Variants in TTC7A observed in about 807,000 individuals in gnomAD.
TTC7A encodes the protein tetratricopeptide repeat protein 7A.
TTC7A carries 110 observed loss-of-function variants against 103.7 expected under a neutral mutation model. That is an observed-to-expected ratio of 1.06 (90% CI 0.91 to 1.24). TTC7A has a LOEUF of 1.24. TTC7A is among the 50% of genes most tolerant of loss of function. TTC7A has a pLI of 0.00. For missense variants in TTC7A, 1,340 were observed against 1,116.3 expected (o/e 1.20, Z -2.86); for synonymous variants, 521 against 467.9 (o/e 1.11, Z -1.47).
At chr2:46,974,815 C>G in intron 3 of TTC7A, 158 bp from the exon 4 acceptor site, 1 of 975,258 alleles carries the variant, frequency 1.0e-6, no homozygotes, top group Non-Finnish European at 1.5e-6. Context: ...ACACCACCGT[C>G]GCTTCAGCTT....
chr2:46,980,492 G>A (rs763444298), intron 5 of TTC7A, among the ~76,000 whole-genome samples: 10 of 152,108 alleles, frequency 6.6e-5, no homozygotes, highest in Non-Finnish European at 1.5e-4. Flanking sequence ...GATTACAGGC[G>A]TGAGCCACTG....
chr2:47,065,060 G>C (rs1332403988), intron 19 of TTC7A, among the ~76,000 whole-genome samples: 2 of 152,186 alleles, frequency 1.3e-5, no homozygotes, highest in African/African-American at 4.8e-5. Flanking sequence ...GGCCGAGGCG[G>C]GCGGATCACG....
At chr2:46,917,134 A>T in intron 1 of TTC7A, 1 of 699,048 alleles carries the variant, frequency 1.4e-6, no homozygotes, top group Middle Eastern at 3.6e-4. Context: ...CTGCCACCCC[A>T]TCCCAGAGAA....
In TTC7A at chr2:47,073,738, G is replaced by T; in HGVS notation, c.2392G>T (p.Ala798Ser). 1 of 1,613,826 alleles carries T rather than the reference G, an allele frequency of 6.2e-7. No individual in the cohort carries two copies. The highest frequency in any genetic ancestry group is 8.5e-7 in the Non-Finnish European group (1 of 1,180,026). ...GAGTCGGCTGGGCCACAAGAGCTTG[G>T]CCCAGAAGGTGCTTCGTGATGCCGT... Reference protein sequence around the residue: ...MLSRLGHKSLAQKVLRDAVER... With the variant: ...MLSRLGHKSLSQKVLRDAVER... Residue 798 changes from alanine to serine, a missense_variant, in exon 20 of 20, where the codon GCC becomes TCC. Ala to Ser is a moderately conservative substitution (Grantham distance 99, BLOSUM62 1). Transcript: ENST00000319190.
At chr2:46,957,046 T>C (rs773065421) in intron 3 of TTC7A, 39 bp downstream of exon 3, 6 of 1,612,474 alleles carry the variant, frequency 3.7e-6, no homozygotes, top group Non-Finnish European at 5.1e-6. Context: ...CTCCACTGTG[T>C]GCAGCTCGTT....
At chr2:47,011,180 T>C in intron 10 of TTC7A, 151 bp from the exon 11 acceptor site, 1 of 598,402 alleles carries the variant, frequency 1.7e-6, no homozygotes, top group Non-Finnish European at 2.8e-6. Context: ...CTGCCGACAC[T>C]GCCTAGGCTT....
chr2:46,995,850 TA>T (rs1401161977), intron 8 of TTC7A, among the ~76,000 whole-genome samples: 1 of 152,204 alleles, frequency 6.6e-6, no homozygotes, highest in African/African-American at 2.4e-5. Flanking sequence ...TACATTCTAG[TA>T]AAGGGAAGCA....
chr2:47,052,361 G>A (rs1352588314), intron 18 of TTC7A, among the ~76,000 whole-genome samples: 1 of 152,234 alleles, frequency 6.6e-6, no homozygotes, highest in Non-Finnish European at 1.5e-5. Flanking sequence ...GAGGCAGGCT[G>A]TAGGAAGCCT....
chr2:47,028,320 C>G (rs1216029814), intron 14 of TTC7A, among the ~76,000 whole-genome samples: 1 of 152,228 alleles, frequency 6.6e-6, no homozygotes, highest in East Asian at 1.9e-4. Context: ...TTACCACTTG[C>G]AGGTGGGGCC....
intron 15 of TTC7A, among the ~76,000 whole-genome samples, chr2:47,039,160 A>G (rs540273859): frequency 6.6e-6 from 1 of 152,344 alleles, no homozygotes; most frequent in South Asian, 2.1e-4. Flanking sequence ...AGGAAGCAGC[A>G]GAGCCTGGAA....
chr2:47,063,202 A>G (rs1573075198), intron 19 of TTC7A, among the ~76,000 whole-genome samples: 1 of 152,334 alleles, frequency 6.6e-6, no homozygotes, highest in East Asian at 1.9e-4. Flanking sequence ...GAAAAGACAC[A>G]TTTAACTTGC....
intron 3 of TTC7A, among the ~76,000 whole-genome samples, chr2:46,960,496 G>C (rs1406303500): frequency 6.6e-6 from 1 of 152,176 alleles, no homozygotes; most frequent in Non-Finnish European, 1.5e-5. Context: ...TAGGGGGATG[G>C]GGGGAAGCAG....
intron 4 of TTC7A, among the ~76,000 whole-genome samples, chr2:46,976,477 G>GA (rs1673889291): frequency 1.3e-5 from 2 of 152,218 alleles, no homozygotes. Flanking sequence ...GTGGTCATGG[G>GA]CCGAGAGACT....
chr2:46,996,076 TATG>T (rs1676150154), intron 8 of TTC7A, among the ~76,000 whole-genome samples: 1 of 152,228 alleles, frequency 6.6e-6, no homozygotes, highest in South Asian at 2.1e-4. Flanking sequence ...CTTGCACACA[TATG>T]GTGGCCATGG....
intron 8 of TTC7A, among the ~76,000 whole-genome samples, chr2:47,004,070 C>G (rs1308649148): frequency 6.6e-6 from 1 of 152,222 alleles, no homozygotes; most frequent in Non-Finnish European, 1.5e-5. Flanking sequence ...TCCTTCAACC[C>G]TTTGGAGCTC....
At chr2:46,942,480 A>T (rs968542536) in intron 1 of TTC7A, among the ~76,000 whole-genome samples, 8 of 152,198 alleles carry the variant, frequency 5.3e-5, no homozygotes, top group African/African-American at 1.7e-4. Context: ...AAATGAATAC[A>T]GATATAAATA....
At chr2:46,919,642 C>T (rs1025006403) in intron 2 of TTC7A, among the ~76,000 whole-genome samples, 3 of 152,216 alleles carry the variant, frequency 2.0e-5, no homozygotes. Context: ...AAATCTCAAG[C>T]CTGGTTAACA....
chr2:46,932,010 C>A (rs931369685), intron 2 of TTC7A, among the ~76,000 whole-genome samples: 80 of 152,244 alleles, frequency 5.3e-4, no homozygotes, highest in African/African-American at 1.9e-3. Context: ...AATCATATGA[C>A]AATCTCAGTA....
intron 8 of TTC7A, among the ~76,000 whole-genome samples, chr2:46,998,312 G>C (rs553229821): frequency 6.6e-6 from 1 of 152,160 alleles, no homozygotes; most frequent in Non-Finnish European, 1.5e-5. Context: ...CCCGGCTGCT[G>C]GATCTGGCCT....
Sources: allele counts gnomAD v4.1 joint callset (sites outside exome capture counted in the v4.1 genomes callset), GRCh38; gene constraint gnomAD v4.1.1; transcripts MANE v1.5; gene names NCBI Gene and HGNC (gene_info 2026-07-23, HGNC 2026-07-21).